The following KDELR2 variants were observed in gnomAD, a reference collection of about 807,000 sequenced individuals.
KDELR2 encodes KDEL endoplasmic reticulum protein retention receptor 2.
Under a neutral mutation model 23.9 loss-of-function variants are expected in KDELR2, and 15 were observed. The ratio of observed to expected loss-of-function variants is 0.63; its 90% CI spans 0.42 to 0.97. KDELR2 has a LOEUF of 0.97. Ranked by LOEUF, KDELR2 falls within the 50% of genes least tolerant of loss-of-function variation. The pLI, the probability that KDELR2 is intolerant of heterozygous loss-of-function variation, is 0.00. For synonymous variants in KDELR2, 119 were observed against 106.2 expected (o/e 1.12, Z -0.74); for missense variants, 272 against 254.6 (o/e 1.07, Z -0.46).
intron 4 of KDELR2, among the ~76,000 whole-genome samples, chr7:6,465,509 A>T (rs997547259): frequency 3.3e-5 from 5 of 151,678 alleles, no homozygotes; most frequent in Non-Finnish European, 7.4e-5. Flanking sequence ...CTGAACAAGG[A>T]TGATAGCTTT....
intron 4 of KDELR2, among the ~76,000 whole-genome samples, chr7:6,465,016 G>A (rs1050610921): frequency 2.0e-5 from 3 of 151,678 alleles, no homozygotes; most frequent in East Asian, 2.0e-4. Flanking sequence ...GATTATAGGC[G>A]TGAGCCATCG....
intron 1 of KDELR2, among the ~76,000 whole-genome samples, chr7:6,476,351 C>T (rs1025894697): frequency 6.6e-5 from 10 of 152,194 alleles, no homozygotes; most frequent in African/African-American, 2.4e-4. Flanking sequence ...TTTCTTCCTA[C>T]AGAGACCAAT....
intron 4 of KDELR2, among the ~76,000 whole-genome samples, chr7:6,464,299 T>A (rs1785453437): frequency 7.1e-6 from 1 of 139,946 alleles, no homozygotes; most frequent in Non-Finnish European, 1.5e-5. Context: ...GGTGTGCGGA[T>A]CACGAGGTTG....
rs1785498146 is a variant in KDELR2 at position 6,466,150 on chromosome 7, G to A, written c.525C>T (p.Phe175=). ...CGGCCACCACAGCAATGAGGTCAAA[G>A]AAGCCCTCAAAGTAGAAGCGCCAGA... ...NWIWRFYFEG[F]FDLIAVVAGV... Residue 175 remains phenylalanine, a synonymous_variant, in exon 4 of 5, where the codon TTC becomes TTT. Transcript: ENST00000258739. The A allele has an allele frequency of 1.9e-6, 3 of 1,614,048 alleles. No homozygotes were observed. In the South Asian group the frequency reaches 3.3e-5, roughly 18 times the overall value.
intron 3 of KDELR2, 73 bp from the exon 4 acceptor site, chr7:6,466,396 C>G (rs940805414): frequency 6.4e-7 from 1 of 1,560,094 alleles, no homozygotes; most frequent in Non-Finnish European, 8.7e-7. Context: ...CTCTTGCTTT[C>G]TTTACCACAA....
rs1161325162 is a variant in KDELR2, at chr7:6,471,176, G to GTTTT, written c.193-1426_193-1423dup. Among the ~76,000 whole-genome samples, 83 of 72,610 alleles carry GTTTT rather than the reference G, an allele frequency of 1.1e-3. 1 individual carries two copies. Among genetic ancestry groups the GTTTT allele is most frequent in the Non-Finnish European group, 1.4e-3 (57 of 40,366 alleles). The allele number at this position is 72,610 out of a possible 152,430, so 47.6% of individuals were successfully genotyped here. On this transcript the variant is annotated intron_variant, in intron 2 of 4. Coordinates refer to ENST00000258739, the MANE Select transcript of KDELR2 (RefSeq NM_006854.4). ...AAATGTATAGCTCACATTTGTTTCG[G>GTTTT]TTTTTTTTTTTTTTTTTTTTTTTGA...
At position 6,484,150 on chromosome 7, in the gene KDELR2, G is replaced by T. The variant is rs905684488; in HGVS notation, c.-93C>A. ...GCCCCTGAGAGGAAGCGGCGAAGAT[G>T]GCGAGATCGCCCGCGACGTGGCCAG... On this transcript the variant is annotated 5_prime_UTR_variant, in exon 1 of 5. Transcript: ENST00000258739. 6 of 1,039,522 alleles carry T rather than the reference G, an allele frequency of 5.8e-6. No homozygotes were observed. The highest frequency in any genetic ancestry group is 7.4e-6 in the Non-Finnish European group (6 of 814,372). 64.4% of individuals were successfully genotyped at this position (1,039,522 alleles called of 1,614,324 possible). A position where few individuals can be genotyped will look rare whatever the true frequency, so the allele number is the denominator to read the frequency against.
chr7:6,472,469 C>T (rs1472530034), intron 2 of KDELR2, among the ~76,000 whole-genome samples: 2 of 152,174 alleles, frequency 1.3e-5, no homozygotes, highest in South Asian at 2.1e-4. Context: ...GAAACCTGGG[C>T]ATCCTGAGGG....
chr7:6,478,201 C>T (rs1367491847), intron 1 of KDELR2, among the ~76,000 whole-genome samples: 2 of 151,826 alleles, frequency 1.3e-5, no homozygotes, highest in Admixed American at 1.3e-4. Context: ...AGTTGCCCAA[C>T]CCAGGGTATA....
chr7:6,480,827 C>T (rs1785872997), intron 1 of KDELR2, among the ~76,000 whole-genome samples: 1 of 152,052 alleles, frequency 6.6e-6, no homozygotes. Context: ...AGCAGCTTGT[C>T]AAAGTTAGCA....
chr7:6,464,810 A>C (rs866118545), intron 4 of KDELR2, among the ~76,000 whole-genome samples: 1 of 141,458 alleles, frequency 7.1e-6, no homozygotes, highest in African/African-American at 2.7e-5. Flanking sequence ...ATATCAGCTC[A>C]CTGCAACCTC....
chr7:6,462,953 A>G lies in KDELR2; in HGVS notation c.*188T>C. The G allele has an allele frequency of 6.3e-7, 1 of 1,596,420 alleles. No individual in the cohort carries two copies. Among genetic ancestry groups the G allele is most frequent in the Non-Finnish European group, 8.5e-7 (1 of 1,173,162 alleles). On this transcript the variant is annotated 3_prime_UTR_variant, in exon 5 of 5. Transcript: ENST00000258739. ...TTTGTACACAGTAATAAAAAAAGATAAGGCAAGATGCATTAAACAGAAACC... is the reference window on the plus strand; with the variant it reads ...TTTGTACACAGTAATAAAAAAAGATGAGGCAAGATGCATTAAACAGAAACC...
At chr7:6,477,109 G>A (rs1303119451) in intron 1 of KDELR2, among the ~76,000 whole-genome samples, 1 of 152,232 alleles carries the variant, frequency 6.6e-6, no homozygotes, top group Non-Finnish European at 1.5e-5. Flanking sequence ...GTGTCTCTGT[G>A]ACTGTAAATA....
intron 2 of KDELR2, 74 bp from the exon 3 acceptor site, chr7:6,469,828 C>A: frequency 3.1e-6 from 4 of 1,311,102 alleles, no homozygotes; most frequent in Non-Finnish European, 4.1e-6. Flanking sequence ...TTTTTAATCA[C>A]CCATGTATTT....
rs756527753 is a variant in KDELR2, at chr7:6,484,086, G to A, written c.-29C>T. ...GGCGGCGGCGGTGGCGGTCGGCGCAGCGCGGCGGCCCCGGGGCTGGGCGGC... is the reference window on the plus strand; with the variant it reads ...GGCGGCGGCGGTGGCGGTCGGCGCAACGCGGCGGCCCCGGGGCTGGGCGGC... On this transcript the variant is annotated 5_prime_UTR_variant, in exon 1 of 5. Transcript: ENST00000258739. 2.1e-6 allele frequency: 3 copies of A among 1,434,842 alleles called. No individual in the cohort carries two copies. Among genetic ancestry groups the A allele is most frequent in the Non-Finnish European group, 1.8e-6 (2 of 1,084,150 alleles). 88.9% of individuals were successfully genotyped at this position (1,434,842 alleles called of 1,614,324 possible).
intron 3 of KDELR2, among the ~76,000 whole-genome samples, chr7:6,467,822 T>C (rs1161790307): frequency 6.6e-6 from 1 of 152,062 alleles, no homozygotes; most frequent in African/African-American, 2.4e-5. Flanking sequence ...CACAGTGACT[T>C]GATCGGCCCC....
intron 1 of KDELR2, among the ~76,000 whole-genome samples, chr7:6,479,544 T>A (rs1785841549): frequency 6.6e-6 from 1 of 151,920 alleles, no homozygotes; most frequent in Admixed American, 6.6e-5. Context: ...GTGCACAGTC[T>A]CGGCTCGCTG....
chr7:6,468,988 C>G (rs1466606482), intron 3 of KDELR2, among the ~76,000 whole-genome samples: 3 of 150,344 alleles, frequency 2.0e-5, no homozygotes, highest in South Asian at 2.1e-4. Flanking sequence ...GTCTTACTCT[C>G]TCGCCCAGGC....
chr7:6,466,603 T>C (rs973903808), intron 3 of KDELR2, among the ~76,000 whole-genome samples: 6 of 152,086 alleles, frequency 3.9e-5, no homozygotes, highest in African/African-American at 1.4e-4. Flanking sequence ...TGCACTTTAC[T>C]TCTGTTATTA....
Sources: allele counts gnomAD v4.1 joint callset (sites outside exome capture counted in the v4.1 genomes callset), GRCh38; gene constraint gnomAD v4.1.1; transcripts MANE v1.5; gene names NCBI Gene and HGNC (gene_info 2026-07-23, HGNC 2026-07-21).